ZNF676: variants seen among roughly 807,000 people sequenced by gnomAD.
The protein encoded by ZNF676 is zinc finger protein 676.
ZNF676 carries 4 observed loss-of-function variants against 6.0 expected under a neutral mutation model. The ratio of observed to expected loss-of-function variants is 0.67; its 90% CI spans 0.33 to 1.53. The LOEUF (loss-of-function observed/expected upper bound fraction) is 1.53. Ranked by LOEUF, ZNF676 falls within the 40% of genes most tolerant of loss-of-function variation. The pLI is 0.06. For missense variants in ZNF676, 644 were observed against 679.7 expected (o/e 0.95, Z 0.58); for synonymous variants, 198 against 223.1 (o/e 0.89, Z 1.00).
At chr19:22,244,354 CT>C in the ZNF676 span, 1 of 152,180 alleles carries the variant, frequency 6.6e-6, no homozygotes, top group African/African-American at 2.4e-5. Context: ...ATTGATAACT[CT>C]TTATGACATT....
intron 1 of ZNF676, among the ~76,000 whole-genome samples, chr19:22,215,058 A>AAAC (rs1253637022): frequency 2.5e-5 from 3 of 119,514 alleles, no homozygotes; most frequent in Admixed American, 8.4e-5. Context: ...AAAAAAAAAA[A>AAAC]AACAACAAAA....
chr19:22,255,964 A>G, the ZNF676 span, among the ~76,000 whole-genome samples: 1 of 152,298 alleles, frequency 6.6e-6, no homozygotes, highest in Non-Finnish European at 1.5e-5. Flanking sequence ...TGGGATTCAC[A>G]ATTGCAGTCT....
chr19:22,182,004 C>G (rs1362796302), intron 2 of ZNF676, among the ~76,000 whole-genome samples: 1 of 151,418 alleles, frequency 6.6e-6, no homozygotes, highest in Non-Finnish European at 1.5e-5. Flanking sequence ...TCTTTCCACA[C>G]ACTGGTTTCT....
the ZNF676 span, among the ~76,000 whole-genome samples, chr19:22,245,666 C>T: frequency 1.4e-4 from 22 of 152,196 alleles, no homozygotes; most frequent in Admixed American, 5.2e-4. Flanking sequence ...ATCACAATCC[C>T]TAATTCAAGA....
At chr19:22,237,636 A>T in the ZNF676 span, among the ~76,000 whole-genome samples, 3 of 152,214 alleles carry the variant, frequency 2.0e-5, no homozygotes, top group Non-Finnish European at 2.9e-5. Context: ...AGGCCATCAC[A>T]GTTGCCTCAG....
chr19:22,191,753 T>A (rs1255933223), intron 2 of ZNF676, among the ~76,000 whole-genome samples: 1 of 152,146 alleles, frequency 6.6e-6, no homozygotes, highest in Non-Finnish European at 1.5e-5. Flanking sequence ...AAGCCAACCC[T>A]AGTGCAGAGC....
At chr19:22,209,327 TAA>T (rs879800907) in intron 1 of ZNF676, among the ~76,000 whole-genome samples, 48 of 138,020 alleles carry the variant, frequency 3.5e-4, no homozygotes, top group Non-Finnish European at 3.6e-4. Context: ...GTGTGGCCAT[TAA>T]AAAAAAAAAA....
the ZNF676 span, among the ~76,000 whole-genome samples, chr19:22,242,368 C>T: frequency 6.6e-6 from 1 of 151,922 alleles, no homozygotes; most frequent in Non-Finnish European, 1.5e-5. Flanking sequence ...AAATTCATCA[C>T]CTGTTGCTGG....
At chr19:22,210,043 T>C (rs563816336) in intron 1 of ZNF676, among the ~76,000 whole-genome samples, 1 of 152,188 alleles carries the variant, frequency 6.6e-6, no homozygotes, top group East Asian at 1.9e-4. Flanking sequence ...TGTCATCAGA[T>C]CTCCTTTAAG....
chr19:22,215,050 A>AAC (rs1555775837), intron 1 of ZNF676, among the ~76,000 whole-genome samples: 3 of 125,060 alleles, frequency 2.4e-5, no homozygotes, highest in Non-Finnish European at 4.8e-5. Flanking sequence ...CAAAAAAAAA[A>AAC]AAAAAAAAAA....
chr19:22,255,612 G>A, the ZNF676 span, among the ~76,000 whole-genome samples: 4 of 152,122 alleles, frequency 2.6e-5, no homozygotes, highest in Non-Finnish European at 4.4e-5. Flanking sequence ...TTGGGAGGCT[G>A]AGGTGGGTGA....
At chr19:22,205,456 C>A (rs544899131) in intron 1 of ZNF676, among the ~76,000 whole-genome samples, 30 of 152,238 alleles carry the variant, frequency 2.0e-4, no homozygotes, top group Non-Finnish European at 3.7e-4. Context: ...ATACAAGGCA[C>A]ACACACAGTT....
intron 2 of ZNF676, among the ~76,000 whole-genome samples, chr19:22,188,412 A>G (rs1351200484): frequency 6.6e-6 from 1 of 152,224 alleles, no homozygotes; most frequent in African/African-American, 2.4e-5. Flanking sequence ...ATCATACTGA[A>G]TGGGCAAAAC....
chr19:22,238,296 T>C, the ZNF676 span, among the ~76,000 whole-genome samples: 519 of 152,248 alleles, frequency 3.4e-3, 2 homozygotes, highest in Non-Finnish European at 6.0e-3. Context: ...GTGATCCACC[T>C]GCCTCAGCAC....
At chr19:22,217,447 C>G (rs1445925143), upstream of ZNF676, among the ~76,000 whole-genome samples, 1 of 152,156 alleles carries the variant, frequency 6.6e-6, no homozygotes, top group Non-Finnish European at 1.5e-5. Flanking sequence ...AGGTGATCGC[C>G]CACCTCAGCC....
At chr19:22,215,040 CAAAAAAAAA>C (rs1159376851) in intron 1 of ZNF676, among the ~76,000 whole-genome samples, 4 of 51,456 alleles carry the variant, frequency 7.8e-5, no homozygotes, top group Non-Finnish European at 1.1e-4. Context: ...GACTCCATCT[CAAAAAAAAA>C]AAAAAAAAAA....
the ZNF676 span, among the ~76,000 whole-genome samples, chr19:22,234,524 T>C: frequency 6.6e-6 from 1 of 152,224 alleles, no homozygotes; most frequent in South Asian, 2.1e-4. Context: ...GGTCGCATAG[T>C]GACTTGATAA....
chr19:22,199,868 T>C (rs2024006578), upstream of ZNF676, among the ~76,000 whole-genome samples: 2 of 152,212 alleles, frequency 1.3e-5, no homozygotes, highest in Non-Finnish European at 2.9e-5. Flanking sequence ...AGTAAGATTC[T>C]ATAATACATA....
intron 1 of ZNF676, among the ~76,000 whole-genome samples, chr19:22,195,510 C>A (rs941245348): frequency 2.0e-5 from 3 of 152,184 alleles, no homozygotes; most frequent in African/African-American, 7.2e-5. Flanking sequence ...CTAATAACTT[C>A]TATTGTGATG....
Sources: allele counts gnomAD v4.1 joint callset (sites outside exome capture counted in the v4.1 genomes callset), GRCh38; gene constraint gnomAD v4.1.1; transcripts MANE v1.5; gene names NCBI Gene and HGNC (gene_info 2026-07-23, HGNC 2026-07-21).